LRFN5: variants seen among roughly 807,000 people sequenced by gnomAD.
LRFN5 encodes the protein leucine rich repeat and fibronectin type III domain containing 5.
In LRFN5, 24 loss-of-function variants were observed where a neutral mutation model predicts 45.6. That is an observed-to-expected ratio of 0.53 (90% CI 0.38 to 0.74). The LOEUF is 0.74. Ranked by LOEUF, LRFN5 falls within the 30% of genes least tolerant of loss-of-function variation. The pLI is 0.00. For synonymous variants in LRFN5, 340 were observed against 313.8 expected, an observed-to-expected ratio of 1.08 and a Z score of -0.88; for missense variants, 776 against 861.5, an observed-to-expected ratio of 0.90 and a Z score of 1.24.
intron 1 of LRFN5, among the ~76,000 whole-genome samples, chr14:41,714,377 C>T (rs1295308846): frequency 1.3e-5 from 2 of 152,098 alleles, no homozygotes; most frequent in Admixed American, 6.6e-5. Context: ...CCCCAAAGCA[C>T]AAAACATAAT....
intron 1 of LRFN5, among the ~76,000 whole-genome samples, chr14:41,648,236 T>C (rs570866854): frequency 2.0e-4 from 30 of 152,164 alleles, no homozygotes; most frequent in Non-Finnish European, 2.4e-4. Flanking sequence ...TTTAAAATTG[T>C]TCTTGAAGTG....
chr14:41,848,072 T>G (rs1889130513), intron 2 of LRFN5, among the ~76,000 whole-genome samples: 1 of 152,168 alleles, frequency 6.6e-6, no homozygotes, highest in Admixed American at 6.6e-5. Flanking sequence ...TATAAATGAC[T>G]GTGGCTTTAT....
intron 2 of LRFN5, among the ~76,000 whole-genome samples, chr14:41,842,012 T>G (rs11625136): frequency 0.26 from 38,924 of 151,878 alleles, 5,398 homozygotes; most frequent in Middle Eastern, 0.36. Context: ...TGTGTAAATA[T>G]GTGCTATAGT....
rs1887503290 is a variant in LRFN5 at position 41,606,914 on chromosome 14, G to C, written c.-1845G>C. On this transcript the variant is annotated 5_prime_UTR_variant, in exon 1 of 6. Transcript: ENST00000298119. ...CCTTCATGCTGCAGCGCAGGGCTCAGTTCCACGCGGCCAGGAGGCCGCCGT... is the reference window on the plus strand; with the variant it reads ...CCTTCATGCTGCAGCGCAGGGCTCACTTCCACGCGGCCAGGAGGCCGCCGT... Among the ~76,000 whole-genome samples, 1 of 151,952 alleles carries C rather than the reference G, an allele frequency of 6.6e-6. No individual in the cohort carries two copies.
At chr14:41,727,744 A>G (rs1017321522) in intron 1 of LRFN5, among the ~76,000 whole-genome samples, 4 of 152,188 alleles carry the variant, frequency 2.6e-5, no homozygotes, top group Non-Finnish European at 4.4e-5. Context: ...AATTTCAACA[A>G]AACATTTGAA....
intron 2 of LRFN5, among the ~76,000 whole-genome samples, chr14:41,810,491 G>A (rs1289857696): frequency 6.6e-6 from 1 of 151,986 alleles, no homozygotes; most frequent in Admixed American, 6.6e-5. Context: ...CAATATGACA[G>A]CCAAGGTATT....
chr14:41,766,166 T>C (rs1028753646), intron 1 of LRFN5, among the ~76,000 whole-genome samples: 1 of 152,190 alleles, frequency 6.6e-6, no homozygotes, highest in Non-Finnish European at 1.5e-5. Context: ...ATTACAAATA[T>C]CAGTGATTGA....
At chr14:41,823,210 T>C (rs1244059509) in intron 2 of LRFN5, among the ~76,000 whole-genome samples, 3 of 152,072 alleles carry the variant, frequency 2.0e-5, no homozygotes, top group Non-Finnish European at 4.4e-5. Flanking sequence ...ACTGTATACG[T>C]GTATGTGCTA....
chr14:41,628,439 CA>C lies in LRFN5; in HGVS notation c.-197+19885del, dbSNP rs1228648180. On this transcript the variant is annotated intron_variant, in intron 1 of 5. Coordinates refer to ENST00000298119, the MANE Select transcript of LRFN5 (RefSeq NM_152447.5). Reference sequence around the variant, plus strand: ...GCAATAGAGTGAGACTTCATGTCTACAAAAAAAATTAATAACTTGCCAGGTG... The same window carrying C: ...GCAATAGAGTGAGACTTCATGTCTACAAAAAAATTAATAACTTGCCAGGTG... Among the ~76,000 whole-genome samples, 4 of 151,620 alleles carry C rather than the reference CA, an allele frequency of 2.6e-5. No homozygotes were observed. In the South Asian group the frequency reaches 8.3e-4, roughly 32 times the overall value.
At chr14:41,901,946 T>C (rs541108800) in intron 5 of LRFN5, among the ~76,000 whole-genome samples, 99 of 152,138 alleles carry the variant, frequency 6.5e-4, no homozygotes, top group African/African-American at 2.4e-3. Flanking sequence ...AGCATGTTTT[T>C]AACATATATA....
intron 2 of LRFN5, among the ~76,000 whole-genome samples, chr14:41,852,540 TA>T (rs1889307728): frequency 6.6e-6 from 1 of 151,980 alleles, no homozygotes; most frequent in African/African-American, 2.4e-5. Flanking sequence ...AGATACTACA[TA>T]TTGACATAAA....
At chr14:41,863,145 G>T (rs1889726656) in intron 2 of LRFN5, among the ~76,000 whole-genome samples, 2 of 152,148 alleles carry the variant, frequency 1.3e-5, no homozygotes, top group African/African-American at 4.8e-5. Flanking sequence ...GATTATAGGC[G>T]TGAGCCACCA....
In LRFN5 at chr14:41,757,649, A is replaced by T. The variant is rs1036702141; in HGVS notation, c.-196-9205A>T. 3.9e-4 allele frequency among the ~76,000 whole-genome samples: 59 copies of T among 152,160 alleles called. 2 individuals carry two copies. Among genetic ancestry groups the T allele is most frequent in the Non-Finnish European group, 1.9e-4 (13 of 68,028 alleles). ...GGAGTGACCCAATTTTCCAGGTGCCATCTGTCACCCCTTTCTTTGACTAGG... is the reference window on the plus strand; with the variant it reads ...GGAGTGACCCAATTTTCCAGGTGCCTTCTGTCACCCCTTTCTTTGACTAGG... On this transcript the variant is annotated intron_variant, in intron 1 of 5. Transcript: ENST00000298119.
intron 2 of LRFN5, among the ~76,000 whole-genome samples, chr14:41,847,454 G>T (rs1045918644): frequency 2.6e-5 from 4 of 152,048 alleles, no homozygotes; most frequent in Non-Finnish European, 5.9e-5. Context: ...TCATGCATAA[G>T]AAATGTTTTT....
At chr14:41,664,720 A>C (rs1308977952) in intron 1 of LRFN5, among the ~76,000 whole-genome samples, 4 of 152,058 alleles carry the variant, frequency 2.6e-5, no homozygotes, top group African/African-American at 9.7e-5. Flanking sequence ...TAAACAAAAA[A>C]AAGTGGCAAA....
intron 2 of LRFN5, among the ~76,000 whole-genome samples, chr14:41,854,343 A>G (rs905169239): frequency 1.3e-5 from 2 of 151,792 alleles, no homozygotes; most frequent in African/African-American, 4.8e-5. Flanking sequence ...TATATGTGCC[A>G]CTTAATCCAG....
intron 1 of LRFN5, among the ~76,000 whole-genome samples, chr14:41,725,569 T>G (rs1330877234): frequency 1.3e-5 from 2 of 152,138 alleles, no homozygotes; most frequent in African/African-American, 4.8e-5. Flanking sequence ...ACCATATTTT[T>G]GGGGCCAGAA....
chr14:41,684,229 C>T (rs985880422), intron 1 of LRFN5, among the ~76,000 whole-genome samples: 3 of 152,028 alleles, frequency 2.0e-5, no homozygotes, highest in Admixed American at 6.6e-5. Context: ...CCTGGGTATC[C>T]GTATACAGAA....
chr14:41,735,317 T>C lies in LRFN5; in HGVS notation c.-196-31537T>C, dbSNP rs1304802677. Among the ~76,000 whole-genome samples the C allele has an allele frequency of 1.1e-4, 17 of 152,244 alleles. No individual in the cohort carries two copies. In the East Asian group the frequency reaches 1.5e-3, roughly 14 times the overall value. ...GTGTCTCAGTCTGTTACCCAGGCAG[T>C]AATGCAGTGGCACAATCATGGCTCA... On this transcript the variant is annotated intron_variant, in intron 1 of 5. Coordinates refer to ENST00000298119, the MANE Select transcript of LRFN5 (RefSeq NM_152447.5).
Sources: gnomAD v4.1 joint callset for allele counts (sites outside exome capture counted in the v4.1 genomes callset) on GRCh38, gnomAD v4.1.1 for gene constraint, MANE v1.5 for transcripts, NCBI Gene and HGNC (gene_info 2026-07-23, HGNC 2026-07-21) for gene names.